PTPRD: variants seen among roughly 807,000 people sequenced by gnomAD.
PTPRD encodes the protein receptor-type tyrosine-protein phosphatase delta.
A neutral mutation model predicts 214.5 loss-of-function variants in PTPRD; 34 were observed. The ratio of observed to expected loss-of-function variants is 0.16; its 90% CI spans 0.12 to 0.21. PTPRD has a LOEUF of 0.21. Among genes scored for constraint, PTPRD ranks in the 10% least tolerant of loss-of-function variants. The pLI, the probability that PTPRD is intolerant of heterozygous loss-of-function variation, is 1.00. For synonymous variants in PTPRD, 1,128 were observed against 845.7 expected (o/e 1.33, Z -5.79); for missense variants, 2,545 against 2,398.7 (o/e 1.06, Z -1.27).
chr9:9,911,240 G>C (rs2079092753), intron 5 of PTPRD, among the ~76,000 whole-genome samples: 2 of 151,998 alleles, frequency 1.3e-5, no homozygotes, highest in Non-Finnish European at 1.5e-5. Flanking sequence ...AAATTCCAAG[G>C]CTGGATAAAA....
rs576878952 is a variant in PTPRD, at chr9:8,845,625, AAGATT to A, written c.-103-111684_-103-111680del. Among the ~76,000 whole-genome samples the A allele has an allele frequency of 4.3e-3, 656 of 152,378 alleles. 3 individuals carry two copies. The highest frequency in any genetic ancestry group is 7.1e-3 in the Non-Finnish European group (483 of 68,038). On this transcript the variant is annotated intron_variant, in intron 11 of 45. Transcript: ENST00000381196. ...GCCACCCAGCAAGTACATCAAAAAC[AAGATT>A]AGATACTGCAAATCCTAGTGTCTAA...
chr9:8,583,958 C>T (rs1594540843), intron 14 of PTPRD, among the ~76,000 whole-genome samples: 1 of 152,068 alleles, frequency 6.6e-6, no homozygotes, highest in Non-Finnish European at 1.5e-5. Context: ...TTGAGATCAG[C>T]CTGGGCAACA....
rs1342781272 is a variant in PTPRD, at chr9:9,837,768, T to C, written c.-367-70917A>G. On this transcript the variant is annotated intron_variant, in intron 5 of 45. Coordinates refer to ENST00000381196, the MANE Select transcript of PTPRD (RefSeq NM_002839.4). ...GTCCTTGCTGCATTTTTTTATTCTT[T>C]TATTTTATTATTATTATACTTTAAG... Among the ~76,000 whole-genome samples the C allele has an allele frequency of 2.1e-5, 3 of 141,608 alleles. No individual in the cohort carries two copies. In the East Asian group the frequency reaches 5.8e-4, roughly 28 times the overall value. 92.9% of individuals were successfully genotyped at this position (141,608 alleles called of 152,430 possible). A position where few individuals can be genotyped will look rare whatever the true frequency, so the allele number is the denominator to read the frequency against.
chr9:8,931,443 G>A (rs551750042), intron 11 of PTPRD, among the ~76,000 whole-genome samples: 2 of 152,172 alleles, frequency 1.3e-5, no homozygotes, highest in African/African-American at 4.8e-5. Context: ...TTGGTAATGC[G>A]GGCTCTTTTT....
intron 9 of PTPRD, among the ~76,000 whole-genome samples, chr9:9,302,873 G>A (rs1310214245): frequency 1.3e-5 from 2 of 151,698 alleles, no homozygotes; most frequent in South Asian, 2.1e-4. Context: ...GCAGTGTGAT[G>A]TAACTCTTCT....
At chr9:9,186,897 T>A (rs1340490471) in intron 9 of PTPRD, among the ~76,000 whole-genome samples, 3 of 152,016 alleles carry the variant, frequency 2.0e-5, no homozygotes, top group African/African-American at 7.2e-5. Flanking sequence ...TAAAAATATT[T>A]AGATTTGCTT....
chr9:9,310,458 G>C (rs1187015326), intron 9 of PTPRD, among the ~76,000 whole-genome samples: 2 of 152,088 alleles, frequency 1.3e-5, no homozygotes, highest in Non-Finnish European at 2.9e-5. Flanking sequence ...AGTGAAAGGT[G>C]CTGAAGGTAA....
chr9:9,089,605 T>C (rs745866810), intron 10 of PTPRD, among the ~76,000 whole-genome samples: 3 of 152,188 alleles, frequency 2.0e-5, no homozygotes, highest in African/African-American at 4.8e-5. Flanking sequence ...CTATTAAGGT[T>C]CCTAAACTTT....
At chr9:8,430,758 C>T (rs1157297695) in intron 35 of PTPRD, among the ~76,000 whole-genome samples, 2 of 152,108 alleles carry the variant, frequency 1.3e-5, no homozygotes, top group East Asian at 1.9e-4. Flanking sequence ...TTCTCATGTG[C>T]CTTTCCCTTG....
At chr9:10,489,168 C>T (rs1176692364) in intron 2 of PTPRD, among the ~76,000 whole-genome samples, 1 of 152,094 alleles carries the variant, frequency 6.6e-6, no homozygotes, top group African/African-American at 2.4e-5. Flanking sequence ...CCTCAATTAT[C>T]AGGCGATATA....
chr9:9,860,020 T>C (rs1395386130), intron 5 of PTPRD, among the ~76,000 whole-genome samples: 1 of 152,154 alleles, frequency 6.6e-6, no homozygotes, highest in Non-Finnish European at 1.5e-5. Context: ...TCAAATAATA[T>C]TTGATTCTCC....
chr9:10,269,822 AC>A (rs1293546589), intron 3 of PTPRD, among the ~76,000 whole-genome samples: 4 of 152,194 alleles, frequency 2.6e-5, no homozygotes, highest in African/African-American at 9.6e-5. Flanking sequence ...GTTCTGTAAA[AC>A]ATAATTCTAA....
At chr9:10,415,632 G>C (rs546859550) in intron 2 of PTPRD, among the ~76,000 whole-genome samples, 2 of 151,982 alleles carry the variant, frequency 1.3e-5, no homozygotes, top group African/African-American at 4.8e-5. Flanking sequence ...ATCTATGAAA[G>C]TGGTTTTGAT....
At chr9:9,580,227 G>C (rs915357060) in intron 7 of PTPRD, among the ~76,000 whole-genome samples, 2 of 152,112 alleles carry the variant, frequency 1.3e-5, no homozygotes, top group Non-Finnish European at 2.9e-5. Context: ...TATATATCAA[G>C]TAGTGGGATT....
At chr9:8,437,799 G>C (rs917714562) in intron 34 of PTPRD, among the ~76,000 whole-genome samples, 1 of 152,050 alleles carries the variant, frequency 6.6e-6, no homozygotes, top group African/African-American at 2.4e-5. Flanking sequence ...ACACATTCTA[G>C]TTCATTCAGC....
intron 9 of PTPRD, among the ~76,000 whole-genome samples, chr9:9,287,135 G>C (rs897832393): frequency 1.3e-5 from 2 of 151,014 alleles, no homozygotes; most frequent in African/African-American, 4.9e-5. Flanking sequence ...TGAGGCAGGA[G>C]AATCGCTTGA....
At chr9:9,391,177 T>C (rs1014326952) in intron 9 of PTPRD, among the ~76,000 whole-genome samples, 2 of 152,174 alleles carry the variant, frequency 1.3e-5, no homozygotes, top group Non-Finnish European at 2.9e-5. Context: ...TTTACTGCTT[T>C]ATCATTTAAA....
At chr9:9,631,508 A>C (rs1227442782) in intron 7 of PTPRD, among the ~76,000 whole-genome samples, 1 of 152,176 alleles carries the variant, frequency 6.6e-6, no homozygotes, top group Admixed American at 6.6e-5. Context: ...CTTTATTCAA[A>C]GTATAGGGCC....
At chr9:10,044,095 G>T (rs2097346491) in intron 3 of PTPRD, among the ~76,000 whole-genome samples, 1 of 151,664 alleles carries the variant, frequency 6.6e-6, no homozygotes, top group Admixed American at 6.6e-5. Flanking sequence ...AGGGGAAGTT[G>T]TTTCTTGTTC....
Sources: allele counts gnomAD v4.1 joint callset (sites outside exome capture counted in the v4.1 genomes callset), GRCh38; gene constraint gnomAD v4.1.1; transcripts MANE v1.5; gene names NCBI Gene and HGNC (gene_info 2026-07-23, HGNC 2026-07-21).